Variants in MYOCD observed in about 807,000 individuals in gnomAD.
MYOCD encodes the protein myocardin.
A neutral mutation model predicts 96.1 loss-of-function variants in MYOCD; 32 were observed. The observed-to-expected ratio is 0.33, with a 90% confidence interval of 0.25 to 0.45. The LOEUF (loss-of-function observed/expected upper bound fraction) is 0.45. MYOCD is among the 20% of genes least tolerant of loss of function. MYOCD has a pLI of 1.00. For missense variants in MYOCD, 1,133 were observed against 1,200.6 expected, an observed-to-expected ratio of 0.94 and a Z score of 0.83; for synonymous variants, 469 against 469.0, an observed-to-expected ratio of 1.00 and a Z score of 0.00.
intron 1 of MYOCD, among the ~76,000 whole-genome samples, chr17:12,685,300 A>G (rs2030048555): frequency 6.6e-6 from 1 of 151,822 alleles, no homozygotes; most frequent in African/African-American, 2.4e-5. Flanking sequence ...ACCCTGTCTC[A>G]ACAACAACAA....
At chr17:12,714,734 G>T (rs2031585188) in intron 2 of MYOCD, among the ~76,000 whole-genome samples, 1 of 152,168 alleles carries the variant, frequency 6.6e-6, no homozygotes. Flanking sequence ...GGAAGAGAGT[G>T]AAGGCTGGCA....
chr17:12,709,609 T>G (rs951488216), intron 2 of MYOCD, among the ~76,000 whole-genome samples: 1 of 152,242 alleles, frequency 6.6e-6, no homozygotes, highest in Admixed American at 6.5e-5. Context: ...AAAGGACTTA[T>G]TGTTTAGATT....
In MYOCD at chr17:12,752,800, C is replaced by A. The variant is rs529838350; in HGVS notation, c.1512C>A (p.Gly504=). The A allele has an allele frequency of 1.4e-5, 22 of 1,614,096 alleles. No homozygotes were observed. In the South Asian group the frequency reaches 2.2e-4, roughly 16 times the overall value. ...EESLMSSLNG[G]SVPSELDGLD... ...GTCTCATGAGCAGCCTGAATGGGGG[C>A]TCTGTTCCTTCTGAGCTGGATGGGC... Residue 504 remains glycine, a synonymous_variant, in exon 10 of 14, where the codon GGC becomes GGA. Transcript: ENST00000425538.
At chr17:12,722,410 T>C (rs906572696) in intron 4 of MYOCD, among the ~76,000 whole-genome samples, 1 of 152,224 alleles carries the variant, frequency 6.6e-6, no homozygotes, top group Non-Finnish European at 1.5e-5. Context: ...GGTCACAGCA[T>C]TGACTAGTCC....
intron 13 of MYOCD, chr17:12,762,474 G>A (rs151277322): frequency 6.5e-6 from 1 of 152,830 alleles, no homozygotes; most frequent in East Asian, 1.9e-4. Flanking sequence ...CTGACAGAGT[G>A]GCAGTGGGGG....
At chr17:12,752,265 G>T in intron 9 of MYOCD, 149 bp from the exon 10 acceptor site, 1 of 661,444 alleles carries the variant, frequency 1.5e-6, no homozygotes, top group East Asian at 2.8e-5. Context: ...TTTATATCAG[G>T]GGTAGGAGAG....
At chr17:12,745,136 T>C (rs1567595954) in intron 8 of MYOCD, among the ~76,000 whole-genome samples, 1 of 152,212 alleles carries the variant, frequency 6.6e-6, no homozygotes, top group Admixed American at 6.5e-5. Flanking sequence ...CTCTCAAAGA[T>C]TGACTCCTGA....
At chr17:12,741,479 G>A (rs935034726) in intron 7 of MYOCD, among the ~76,000 whole-genome samples, 13 of 152,226 alleles carry the variant, frequency 8.5e-5, no homozygotes, top group African/African-American at 2.6e-4. Flanking sequence ...AGGCCGAGGC[G>A]GGCAGATCAC....
chr17:12,724,208 A>T (rs1233502789), intron 5 of MYOCD, among the ~76,000 whole-genome samples: 1 of 152,196 alleles, frequency 6.6e-6, no homozygotes, highest in Non-Finnish European at 1.5e-5. Flanking sequence ...TTCTTAAAAC[A>T]TTCTGTTCTG....
intron 6 of MYOCD, among the ~76,000 whole-genome samples, chr17:12,738,840 A>G (rs553352402): frequency 3.1e-4 from 47 of 152,110 alleles, no homozygotes; most frequent in African/African-American, 1.1e-3. Flanking sequence ...CACCGAGACC[A>G]GATGTCCCAG....
chr17:12,756,620 C>A, intron 11 of MYOCD, 63 bp downstream of exon 11: 1 of 1,423,064 alleles, frequency 7.0e-7, no homozygotes, highest in South Asian at 1.3e-5. Flanking sequence ...TTCTGTAACC[C>A]GGGAGGCAGA....
intron 1 of MYOCD, among the ~76,000 whole-genome samples, chr17:12,695,720 A>C (rs1380162696): frequency 6.6e-6 from 1 of 152,200 alleles, no homozygotes; most frequent in Non-Finnish European, 1.5e-5. Context: ...AATACACATA[A>C]AATGTACCCT....
At chr17:12,754,147 C>T (rs1469430608) in intron 10 of MYOCD, among the ~76,000 whole-genome samples, 3 of 152,052 alleles carry the variant, frequency 2.0e-5, no homozygotes, top group Non-Finnish European at 4.4e-5. Flanking sequence ...CTCTGTCACC[C>T]AGGCTAGAGT....
chr17:12,746,388 G>A (rs566908523), intron 9 of MYOCD, among the ~76,000 whole-genome samples: 45 of 152,228 alleles, frequency 3.0e-4, no homozygotes, highest in Middle Eastern at 3.4e-3. Flanking sequence ...CATGGTAGAA[G>A]GGCAGAAGGT....
chr17:12,750,554 T>C (rs1347428542), intron 9 of MYOCD, among the ~76,000 whole-genome samples: 2 of 151,984 alleles, frequency 1.3e-5, no homozygotes, highest in Non-Finnish European at 2.9e-5. Flanking sequence ...CCCGGTGTGG[T>C]GGTGCGTGCC....
intron 13 of MYOCD, chr17:12,761,546 A>C (rs976509706): frequency 6.6e-6 from 1 of 151,014 alleles, no homozygotes; most frequent in East Asian, 2.0e-4. Flanking sequence ...TATGTAAATG[A>C]GTTCTGTAAT....
At chr17:12,732,560 T>G (rs12451778) in intron 5 of MYOCD, among the ~76,000 whole-genome samples, 2,321 of 152,272 alleles carry the variant, frequency 0.015, 102 homozygotes, top group Admixed American at 0.099. Flanking sequence ...AAGGATCTCC[T>G]TTCTCATGGT....
intron 1 of MYOCD, among the ~76,000 whole-genome samples, chr17:12,677,298 G>A (rs1220090737): frequency 6.6e-6 from 1 of 152,058 alleles, no homozygotes; most frequent in African/African-American, 2.4e-5. Flanking sequence ...AATAACTAAT[G>A]GGTATTAGGC....
At chr17:12,733,964 G>GGTAA (rs2032261194) in intron 5 of MYOCD, among the ~76,000 whole-genome samples, 1 of 151,944 alleles carries the variant, frequency 6.6e-6, no homozygotes, top group Non-Finnish European at 1.5e-5. Context: ...TGCTATTGCT[G>GGTAA]CCACTGCTAG....
Sources: allele counts gnomAD v4.1 joint callset (sites outside exome capture counted in the v4.1 genomes callset), GRCh38; gene constraint gnomAD v4.1.1; transcripts MANE v1.5; gene names NCBI Gene and HGNC (gene_info 2026-07-23, HGNC 2026-07-21).